Variants in CTBP2 observed in about 807,000 individuals in gnomAD.
CTBP2 encodes C-terminal-binding protein 2.
CTBP2 carries 30 observed loss-of-function variants against 80.3 expected under a neutral mutation model. The observed-to-expected ratio is 0.37, with a 90% CI of 0.28 to 0.51. The LOEUF (loss-of-function observed/expected upper bound fraction) is 0.51, where lower values mean the gene tolerates loss of function less well. Ranked by LOEUF, CTBP2 falls within the 20% of genes least tolerant of loss-of-function variation. The pLI, the probability that CTBP2 is intolerant of heterozygous loss-of-function variation, is 0.93. For synonymous variants in CTBP2, 594 were observed against 587.4 expected (o/e 1.01, Z -0.16); for missense variants, 1,212 against 1,375.3 (o/e 0.88, Z 1.88).
chr10:125,120,633 C>A (rs1443304886), intron 1 of CTBP2, among the ~76,000 whole-genome samples: 1 of 152,188 alleles, frequency 6.6e-6, no homozygotes, highest in Admixed American at 6.5e-5. Flanking sequence ...GTGATCTGCC[C>A]GCCTTGGCCT....
chr10:125,041,756 C>G (rs1048738431), intron 2 of CTBP2, among the ~76,000 whole-genome samples: 3 of 152,154 alleles, frequency 2.0e-5, no homozygotes, highest in Non-Finnish European at 2.9e-5. Context: ...AGGGGGGTTT[C>G]ACACCCTCCT....
At chr10:125,049,046 G>GAC (rs1178000125) in intron 2 of CTBP2, among the ~76,000 whole-genome samples, 9,873 of 89,286 alleles carry the variant, frequency 0.11, 552 homozygotes, top group African/African-American at 0.14. Flanking sequence ...CCTGACCACA[G>GAC]ACACACACAC....
chr10:124,984,709 C>T lies in CTBP2; in HGVS notation c.*4809G>A. 2 of 1,519,672 alleles carry T rather than the reference C, an allele frequency of 1.3e-6. No individual in the cohort carries two copies. The highest frequency in any genetic ancestry group is 1.8e-6 in the Non-Finnish European group (2 of 1,116,104). The allele number at this position is 1,519,672 out of a possible 1,614,324, so 94.1% of individuals were successfully genotyped here. A position where few individuals can be genotyped will look rare whatever the true frequency, so the allele number is the denominator to read the frequency against. ...GCATACCAGCTGTAGGTTTCCATGT[C>T]ACATTCCTACCAAGTCTCTGATCTG... On this transcript the variant is annotated 3_prime_UTR_variant, in exon 9 of 9. Transcript: ENST00000309035.
intron 1 of CTBP2, among the ~76,000 whole-genome samples, chr10:125,131,889 C>T (rs1489289961): frequency 6.6e-6 from 1 of 152,188 alleles, no homozygotes; most frequent in Non-Finnish European, 1.5e-5. Context: ...ACCCACATTC[C>T]ATGTGGGAAC....
intron 2 of CTBP2, among the ~76,000 whole-genome samples, chr10:125,039,442 A>AT (rs1209832559): frequency 3.3e-5 from 5 of 152,250 alleles, no homozygotes; most frequent in Non-Finnish European, 5.9e-5. Context: ...CTTTAGGGCT[A>AT]TAAATTCCAA....
Position 125,071,364 on chromosome 10 carries a change from A to G in CTBP2, c.-101-32209T>C, listed in dbSNP as rs1323277423. Among the ~76,000 whole-genome samples, 3 of 152,386 alleles carry G rather than the reference A, an allele frequency of 2.0e-5. No homozygotes were observed. In the East Asian group the frequency reaches 5.8e-4, roughly 29 times the overall value. Reference sequence around the variant, plus strand: ...AAACCAGGAAATATTAATAAAATGCAGAACACTTGCTGTGTGCTCCTGATG... The same window carrying G: ...AAACCAGGAAATATTAATAAAATGCGGAACACTTGCTGTGTGCTCCTGATG... On this transcript the variant is annotated intron_variant, in intron 2 of 10. Coordinates refer to the CTBP2 transcript ENST00000337195.
chr10:125,039,228 T>A, intron 2 of CTBP2, 73 bp from the exon 3 acceptor site: 1 of 552,484 alleles, frequency 1.8e-6, no homozygotes, highest in Non-Finnish European at 3.2e-6. Context: ...ACTGGGGACT[T>A]AACTGCTACT....
chr10:125,117,575 G>A (rs899461992), intron 1 of CTBP2, among the ~76,000 whole-genome samples: 7 of 152,186 alleles, frequency 4.6e-5, no homozygotes, highest in African/African-American at 1.4e-4. Context: ...TCCAAGTTTG[G>A]TTGGCACATG....
chr10:125,053,018 C>T (rs1349901471), intron 2 of CTBP2, among the ~76,000 whole-genome samples: 5 of 152,198 alleles, frequency 3.3e-5, no homozygotes, highest in Non-Finnish European at 4.4e-5. Context: ...AGCATGCAGC[C>T]GCTGACCCCA....
At chr10:124,992,657 T>C in intron 8 of CTBP2, 38 bp downstream of exon 10, 2 of 1,497,804 alleles carry the variant, frequency 1.3e-6, no homozygotes, top group East Asian at 2.3e-5. Context: ...GGGGCCGTGG[T>C]GCTCACAAGC....
At chr10:125,006,122 G>T in intron 1 of CTBP2, 1 of 734,502 alleles carries the variant, frequency 1.4e-6, no homozygotes, top group Non-Finnish European at 1.9e-6. Flanking sequence ...CTTTCTCCTT[G>T]GTGAAACCCA....
chr10:125,012,720 A>T (rs1590064331), intron 1 of CTBP2, among the ~76,000 whole-genome samples: 1 of 151,932 alleles, frequency 6.6e-6, no homozygotes, highest in South Asian at 2.1e-4. Context: ...GCTCACTGCA[A>T]CCTCCGCCTC....
intron 2 of CTBP2, among the ~76,000 whole-genome samples, chr10:125,059,891 C>A (rs1428487740): frequency 1.3e-5 from 2 of 152,100 alleles, no homozygotes; most frequent in African/African-American, 4.8e-5. Context: ...TCTGGCTTTG[C>A]TGATCTTTTG....
chr10:125,050,387 T>C (rs1199796290), intron 2 of CTBP2, among the ~76,000 whole-genome samples: 1 of 152,248 alleles, frequency 6.6e-6, no homozygotes, highest in African/African-American at 2.4e-5. Flanking sequence ...TCCACAGTTA[T>C]TTAACATGAA....
intron 2 of CTBP2, among the ~76,000 whole-genome samples, chr10:125,064,029 T>C (rs538715842): frequency 3.3e-4 from 49 of 148,158 alleles, no homozygotes; most frequent in African/African-American, 1.2e-3. Context: ...CAATTCCACA[T>C]AGGAATCCAG....
rs562448015 is a variant in CTBP2, at chr10:125,057,387, T to C, written c.-101-18232A>G. Among the ~76,000 whole-genome samples, 14 of 152,240 alleles carry C rather than the reference T, an allele frequency of 9.2e-5. No individual in the cohort carries two copies. The South Asian group carries it at 2.5e-3, about 27-fold the overall frequency. On this transcript the variant is annotated intron_variant, in intron 2 of 10. Transcript: ENST00000337195. ...AGGAACAACAAAAACCCCTTTCAAT[T>C]GTCCTGTGACCAGCCCCCGCCTCCC...
At chr10:125,125,916 G>C (rs933832334) in intron 1 of CTBP2, among the ~76,000 whole-genome samples, 2 of 152,228 alleles carry the variant, frequency 1.3e-5, no homozygotes, top group African/African-American at 2.4e-5. Context: ...CCCAACCAAC[G>C]TTTGTTCAAG....
intron 2 of CTBP2, among the ~76,000 whole-genome samples, chr10:125,109,170 C>T (rs1851906890): frequency 6.6e-6 from 1 of 152,258 alleles, no homozygotes; most frequent in Admixed American, 6.5e-5. Flanking sequence ...CAAGTTCCCA[C>T]ATCCTTCTGT....
At chr10:124,992,228 T>TTGGGGGGGG in intron 8 of CTBP2, among the ~76,000 whole-genome samples, 1 of 138,110 alleles carries the variant, frequency 7.2e-6, no homozygotes, top group South Asian at 2.5e-4. Flanking sequence ...TTTTTTTTTT[T>TTGGGGGGGG]GGTGGTGGGG....
Sources: allele counts gnomAD v4.1 joint callset (sites outside exome capture counted in the v4.1 genomes callset), GRCh38; gene constraint gnomAD v4.1.1; transcripts MANE v1.5; gene names NCBI Gene and HGNC (gene_info 2026-07-23, HGNC 2026-07-21).